Variants in CYP7B1 observed in about 807,000 individuals in gnomAD.
CYP7B1 encodes the protein cytochrome P450 family 7 subfamily B member 1.
Under a neutral mutation model 42.7 loss-of-function variants are expected in CYP7B1, and 29 were observed. The ratio of observed to expected loss-of-function variants is 0.68; its 90% confidence interval spans 0.51 to 0.93. The LOEUF (loss-of-function observed/expected upper bound fraction) is 0.93. Among genes scored for constraint, CYP7B1 ranks in the 40% least tolerant of loss-of-function variants. The pLI is 0.00. For synonymous variants in CYP7B1, 235 were observed against 218.2 expected, an observed-to-expected ratio of 1.08 and a Z score of -0.68; for missense variants, 655 against 600.5, an observed-to-expected ratio of 1.09 and a Z score of -0.95.
chr8:64,719,484 G>A (rs1378068013), intron 1 of CYP7B1, among the ~76,000 whole-genome samples: 1 of 152,184 alleles, frequency 6.6e-6, no homozygotes, highest in African/African-American at 2.4e-5. Context: ...GCTTGTCAAA[G>A]TGACTTAGTT....
intron 1 of CYP7B1, among the ~76,000 whole-genome samples, chr8:64,740,631 A>G (rs1807553600): frequency 6.6e-6 from 1 of 151,914 alleles, no homozygotes; most frequent in Non-Finnish European, 1.5e-5. Context: ...AAAAACAGAG[A>G]AGATATAACT....
rs545541762 is a variant in CYP7B1, at chr8:64,602,354, G to A, written c.1233+2328C>T. Among the ~76,000 whole-genome samples the A allele has an allele frequency of 2.7e-3, 413 of 152,306 alleles. 1 individual carries two copies. Among genetic ancestry groups the A allele is most frequent in the Non-Finnish European group, 4.5e-3 (306 of 68,032 alleles). ...GGTGCCTGCTGGGTGCACAAATAAG[G>A]AGGGGCATTCCAGGAATAGGGAGAT... On this transcript the variant is annotated intron_variant, in intron 5 of 5. Transcript: ENST00000310193.
intron 1 of CYP7B1, among the ~76,000 whole-genome samples, chr8:64,665,617 C>T (rs1416846345): frequency 1.9e-5 from 2 of 104,778 alleles, no homozygotes; most frequent in Non-Finnish European, 3.5e-5. Flanking sequence ...ACTCTTGTTG[C>T]CCAGGCTGGA....
intron 4 of CYP7B1, among the ~76,000 whole-genome samples, chr8:64,606,158 A>G (rs985177007): frequency 1.3e-5 from 2 of 152,166 alleles, no homozygotes; most frequent in Non-Finnish European, 2.9e-5. Flanking sequence ...GAGGCAGTGC[A>G]TATTCTCTTG....
downstream of CYP7B1, among the ~76,000 whole-genome samples, chr8:64,589,291 CA>C (rs1364036049): frequency 1.3e-5 from 2 of 152,142 alleles, no homozygotes; most frequent in Non-Finnish European, 2.9e-5. Context: ...TAATTTTCTG[CA>C]AGCATTGTTT....
At chr8:64,678,089 G>C (rs1340456458) in intron 1 of CYP7B1, among the ~76,000 whole-genome samples, 1 of 152,100 alleles carries the variant, frequency 6.6e-6, no homozygotes, top group African/African-American at 2.4e-5. Flanking sequence ...CCTAAGCTCT[G>C]ACCTGTACAT....
chr8:64,763,921 C>A (rs921094255), intron 1 of CYP7B1, among the ~76,000 whole-genome samples: 2 of 152,216 alleles, frequency 1.3e-5, no homozygotes, highest in African/African-American at 2.4e-5. Flanking sequence ...AGCTCTGAAT[C>A]TACTTCCTCC....
intron 1 of CYP7B1, among the ~76,000 whole-genome samples, chr8:64,645,152 G>T (rs1412873237): frequency 6.6e-6 from 1 of 150,560 alleles, no homozygotes; most frequent in Non-Finnish European, 1.5e-5. Flanking sequence ...TCTTAATCCA[G>T]TCTATCATTG....
At chr8:64,693,420 G>T (rs369396068) in intron 1 of CYP7B1, among the ~76,000 whole-genome samples, 32 of 152,312 alleles carry the variant, frequency 2.1e-4, no homozygotes, top group African/African-American at 7.7e-4. Context: ...GCCTTCAGAG[G>T]CCAGGCTCCC....
chr8:64,689,568 T>A (rs1402138337), intron 1 of CYP7B1, among the ~76,000 whole-genome samples: 2 of 152,160 alleles, frequency 1.3e-5, no homozygotes, highest in African/African-American at 4.8e-5. Context: ...AATTATTTGA[T>A]TCCAGTTTTT....
At position 64,611,419 on chromosome 8, in the gene CYP7B1, G is replaced by A. The variant is rs145263863; in HGVS notation, c.1057+3607C>T. On this transcript the variant is annotated intron_variant, in intron 4 of 5. Coordinates refer to ENST00000310193, the MANE Select transcript of CYP7B1 (RefSeq NM_004820.5). ...AAGATTGCTTTGAAATATTGAAATC[G>A]TTAATATATTTAACATGGATTGCAT... is the stretch of plus-strand genomic sequence containing the variant. Among the ~76,000 whole-genome samples the A allele has an allele frequency of 2.2e-3, 338 of 152,066 alleles. 1 individual carries two copies. Among genetic ancestry groups the A allele is most frequent in the African/African-American group, 7.6e-3 (317 of 41,482 alleles).
In CYP7B1 at chr8:64,616,040, G is replaced by A. The variant is rs937072125; in HGVS notation, c.501C>T (p.Pro167=). ...CCCAACTTGTGGTTTTTAACAGCTG[G>A]GGTTCAAAAACTTGTTTTAGATTCT... ...MMQNLKQVFE[P]QLLKTTSWDT... Residue 167 remains proline, a synonymous_variant, in exon 3 of 6, where the codon CCC becomes CCT. Transcript: ENST00000310193. 6.2e-7 allele frequency: 1 copy of A among 1,613,508 alleles called. No individual in the cohort carries two copies. The highest frequency in any genetic ancestry group is 1.3e-5 in the African/African-American group (1 of 74,848).
chr8:64,787,284 C>T (rs1373135627), intron 1 of CYP7B1, among the ~76,000 whole-genome samples: 4 of 152,170 alleles, frequency 2.6e-5, no homozygotes, highest in African/African-American at 9.7e-5. Flanking sequence ...ACTTTCCAAA[C>T]TTTTATGCTC....
chr8:64,722,638 A>G (rs1374533852), intron 1 of CYP7B1, among the ~76,000 whole-genome samples: 1 of 149,636 alleles, frequency 6.7e-6, no homozygotes, highest in African/African-American at 2.5e-5. Flanking sequence ...TTTCACTTTT[A>G]TGGTTTCAAC....
intron 1 of CYP7B1, among the ~76,000 whole-genome samples, chr8:64,742,294 C>T (rs1309638108): frequency 2.0e-5 from 3 of 151,882 alleles, no homozygotes; most frequent in African/African-American, 7.3e-5. Flanking sequence ...AATGCTAAGC[C>T]ATTAGTCCCA....
intron 1 of CYP7B1, among the ~76,000 whole-genome samples, chr8:64,692,628 T>C (rs781152617): frequency 1.3e-5 from 2 of 152,178 alleles, no homozygotes; most frequent in Non-Finnish European, 2.9e-5. Flanking sequence ...TCTGACTTTA[T>C]CACATTGAGT....
intron 1 of CYP7B1, among the ~76,000 whole-genome samples, chr8:64,796,184 C>T (rs1432682394): frequency 6.6e-6 from 1 of 152,140 alleles, no homozygotes; most frequent in African/African-American, 2.4e-5. Context: ...ACAAGAAGGG[C>T]TTTCTAAGCA....
chr8:64,649,166 A>G (rs549702740), intron 1 of CYP7B1, among the ~76,000 whole-genome samples: 176 of 152,272 alleles, frequency 1.2e-3, no homozygotes, highest in Middle Eastern at 3.4e-3. Context: ...AACCACCTTC[A>G]TGAATCAATA....
In CYP7B1 at chr8:64,615,192, A is replaced by G. The variant is rs1285033250; in HGVS notation, c.891T>C (p.Thr297=). 6.2e-7 allele frequency: 1 copy of G among 1,613,494 alleles called. No homozygotes were observed. Among genetic ancestry groups the G allele is most frequent in the Non-Finnish European group, 8.5e-7 (1 of 1,179,660 alleles). ...LGFLWASVAN[T]IPTMFWAMYY... The stretch of plus-strand genomic sequence containing the variant: ...ACATTGCCCAGAACATAGTTGGAAT[A>G]GTGTTTGCCACAGAGGCCCAGAGAA... Residue 297 remains threonine (T), a synonymous_variant, in exon 4 of 6, where the codon ACT becomes ACC. Coordinates refer to ENST00000310193, the MANE Select transcript of CYP7B1 (RefSeq NM_004820.5).
Sources: allele counts gnomAD v4.1 joint callset (sites outside exome capture counted in the v4.1 genomes callset), GRCh38; gene constraint gnomAD v4.1.1; transcripts MANE v1.5; gene names NCBI Gene and HGNC (gene_info 2026-07-23, HGNC 2026-07-21).